Variants in MYMX observed in about 807,000 individuals in gnomAD.
MYMX encodes myomixer, myoblast fusion factor, also known as protein myomixer.
chr6:44,210,695 T>C, the MYMX span, among the ~76,000 whole-genome samples: 2 of 152,288 alleles, frequency 1.3e-5, no homozygotes, highest in East Asian at 1.9e-4. Flanking sequence ...CTATTCATTG[T>C]ATATCTAGAT....
At chr6:44,199,301 ATCC>A in the MYMX span, among the ~76,000 whole-genome samples, 283 of 151,994 alleles carry the variant, frequency 1.9e-3, no homozygotes, top group African/African-American at 5.7e-3. Flanking sequence ...GGCTCAGGTG[ATCC>A]TCCCACCTCA....
intron 1 of MYMX, 63 bp from the exon 2 acceptor site, chr6:44,217,387 A>C (rs1262294954): frequency 2.5e-6 from 1 of 398,434 alleles, no homozygotes; most frequent in Non-Finnish European, 4.4e-6. Context: ...TGCCCACCCC[A>C]TGTCCTTGCC....
chr6:44,217,290 C>A (rs1775931411), intron 1 of MYMX, among the ~76,000 whole-genome samples, 160 bp from the exon 2 acceptor site: 1 of 152,028 alleles, frequency 6.6e-6, no homozygotes, highest in Non-Finnish European at 1.5e-5. Flanking sequence ...GCTGCCTTGC[C>A]AAGAGAAAGG....
At chr6:44,213,951 C>A (rs191583034), upstream of MYMX, among the ~76,000 whole-genome samples, 1 of 152,166 alleles carries the variant, frequency 6.6e-6, no homozygotes, top group African/African-American at 2.4e-5. Context: ...GCTGGGACTA[C>A]GGGTGTGCAT....
the MYMX span, among the ~76,000 whole-genome samples, chr6:44,202,894 C>A: frequency 6.6e-6 from 1 of 152,220 alleles, no homozygotes. Flanking sequence ...CCTGCCTCAT[C>A]ATCCCAGGCC....
At chr6:44,216,673 G>A (rs113599108), upstream of MYMX, among the ~76,000 whole-genome samples, 66 of 132,074 alleles carry the variant, frequency 5.0e-4, 1 homozygote, top group Middle Eastern at 4.0e-3. Flanking sequence ...AAAAAAAAAA[G>A]AAGAAGAGAA....
At chr6:44,197,357 A>AC in the MYMX span, among the ~76,000 whole-genome samples, 4 of 152,146 alleles carry the variant, frequency 2.6e-5, no homozygotes, top group South Asian at 8.3e-4. Context: ...ACATGGTGAA[A>AC]CCCCATCTCT....
the MYMX span, among the ~76,000 whole-genome samples, chr6:44,200,752 C>G: frequency 3.2e-4 from 48 of 152,232 alleles, no homozygotes; most frequent in African/African-American, 1.1e-3. Flanking sequence ...TCTCACTGTC[C>G]AGGAAACAGC....
At chr6:44,205,552 T>C in the MYMX span, among the ~76,000 whole-genome samples, 7 of 152,100 alleles carry the variant, frequency 4.6e-5, no homozygotes, top group Admixed American at 6.6e-5. Context: ...GGCTCATGCC[T>C]GTAATCCCAG....
upstream of MYMX, among the ~76,000 whole-genome samples, chr6:44,214,943 C>T (rs141034817): frequency 3.4e-3 from 512 of 152,288 alleles, no homozygotes; most frequent in Non-Finnish European, 5.9e-3. Flanking sequence ...CACCTGTCAC[C>T]CACAACCCTA....
chr6:44,206,930 G>T, the MYMX span, among the ~76,000 whole-genome samples: 1 of 152,232 alleles, frequency 6.6e-6, no homozygotes, highest in East Asian at 1.9e-4. Context: ...CTCTCGAGGT[G>T]TTTGTCTTAA....
At chr6:44,216,673 GA>G, upstream of MYMX, among the ~76,000 whole-genome samples, 1 of 132,102 alleles carries the variant, frequency 7.6e-6, no homozygotes, top group Non-Finnish European at 1.6e-5. Context: ...AAAAAAAAAA[GA>G]AGAAGAGAAA....
rs1260887327 is a variant in MYMX at position 44,218,061 on chromosome 6, A to C, written c.*335A>C. The C allele has an allele frequency of 1.4e-5, 3 of 210,036 alleles. No homozygotes were observed. The highest frequency in any genetic ancestry group is 2.7e-5 in the Non-Finnish European group (3 of 109,392). The allele number at this position is 210,036 out of a possible 1,614,324, so 13.0% of individuals were successfully genotyped here. ...TGCAAATGGGAACATCAAGGTTCCCAGTGCTTAACTGAGGGACAAGTGACA... is the reference window on the plus strand; with the variant it reads ...TGCAAATGGGAACATCAAGGTTCCCCGTGCTTAACTGAGGGACAAGTGACA... On this transcript the variant is annotated 3_prime_UTR_variant, in exon 2 of 2. Coordinates refer to ENST00000573382, the MANE Select transcript of MYMX (RefSeq NM_001315494.2).
chr6:44,207,202 A>G, the MYMX span, among the ~76,000 whole-genome samples: 1 of 152,028 alleles, frequency 6.6e-6, no homozygotes, highest in Non-Finnish European at 1.5e-5. Context: ...GCGGTCTCCC[A>G]GGCTGGAGTG....
chr6:44,214,494 C>T (rs1193864438), upstream of MYMX, among the ~76,000 whole-genome samples: 10 of 152,200 alleles, frequency 6.6e-5, no homozygotes, highest in Non-Finnish European at 1.5e-5. Context: ...AGGTGAGTTG[C>T]TTAACCATCC....
At chr6:44,208,294 C>T in the MYMX span, among the ~76,000 whole-genome samples, 3 of 151,688 alleles carry the variant, frequency 2.0e-5, no homozygotes, top group African/African-American at 7.3e-5. Context: ...CAGCTCTCCT[C>T]CTAAACAACT....
the MYMX span, among the ~76,000 whole-genome samples, chr6:44,202,941 G>C: frequency 1.3e-5 from 2 of 152,202 alleles, no homozygotes; most frequent in Non-Finnish European, 2.9e-5. Context: ...AGGCAGCGGT[G>C]GGGTAGGAGT....
the MYMX span, among the ~76,000 whole-genome samples, chr6:44,202,968 A>G: frequency 2.0e-5 from 3 of 152,210 alleles, no homozygotes; most frequent in African/African-American, 4.8e-5. Context: ...GCCTTACCCC[A>G]GGGTCCAAGG....
At chr6:44,205,294 A>C in the MYMX span, among the ~76,000 whole-genome samples, 1 of 152,198 alleles carries the variant, frequency 6.6e-6, no homozygotes, top group Non-Finnish European at 1.5e-5. Context: ...GTATGAAGTT[A>C]ATCAATTATT....
Sources: gnomAD v4.1 joint callset for allele counts (sites outside exome capture counted in the v4.1 genomes callset) on GRCh38, gnomAD v4.1.1 for gene constraint, MANE v1.5 for transcripts, NCBI Gene and HGNC (gene_info 2026-07-23, HGNC 2026-07-21) for gene names.